The following PDZRN4 variants were observed in gnomAD, a reference collection of about 807,000 sequenced individuals.
The protein encoded by PDZRN4 is PDZ domain-containing RING finger protein 4.
In PDZRN4, 70 loss-of-function variants were observed where a neutral mutation model predicts 99.0. That is an observed-to-expected ratio of 0.71 (90% CI 0.58 to 0.86). PDZRN4 has a LOEUF of 0.86. PDZRN4 is among the 40% of genes least tolerant of loss of function. The pLI is 0.00. For synonymous variants in PDZRN4, 551 were observed against 501.6 expected, an observed-to-expected ratio of 1.10 and a Z score of -1.32; for missense variants, 1,474 against 1,331.2, an observed-to-expected ratio of 1.11 and a Z score of -1.67.
chr12:41,318,305 A>G (rs1295953478), intron 3 of PDZRN4, among the ~76,000 whole-genome samples: 1 of 152,184 alleles, frequency 6.6e-6, no homozygotes, highest in Non-Finnish European at 1.5e-5. Flanking sequence ...CCTTCTCACT[A>G]TGACTACTCA....
chr12:41,347,626 C>T (rs1951864290), intron 3 of PDZRN4, among the ~76,000 whole-genome samples: 1 of 151,234 alleles, frequency 6.6e-6, no homozygotes, highest in Admixed American at 6.6e-5. Context: ...ATATTTTTAG[C>T]TGCATAAATT....
intron 3 of PDZRN4, chr12:41,478,052 C>A: frequency 1.6e-6 from 1 of 626,684 alleles, no homozygotes; most frequent in Admixed American, 2.8e-5. Context: ...CTGTGTCCCC[C>A]AATAATATAT....
intron 3 of PDZRN4, among the ~76,000 whole-genome samples, chr12:41,483,696 G>T (rs1278561513): frequency 2.0e-5 from 3 of 152,074 alleles, no homozygotes; most frequent in Non-Finnish European, 4.4e-5. Context: ...ACAATTAATG[G>T]TTCTTGTCAG....
chr12:41,270,706 C>T (rs1357948349), intron 3 of PDZRN4, among the ~76,000 whole-genome samples: 1 of 152,044 alleles, frequency 6.6e-6, no homozygotes, highest in Non-Finnish European at 1.5e-5. Flanking sequence ...TATATCCTAA[C>T]AGGATAGAGA....
intron 3 of PDZRN4, among the ~76,000 whole-genome samples, chr12:41,337,759 G>A (rs1371674938): frequency 2.0e-5 from 3 of 152,104 alleles, no homozygotes; most frequent in Non-Finnish European, 4.4e-5. Context: ...CTGCAAAGAT[G>A]AGGATGAAGT....
intron 3 of PDZRN4, among the ~76,000 whole-genome samples, chr12:41,299,198 A>G (rs1951515848): frequency 6.6e-6 from 1 of 152,158 alleles, no homozygotes; most frequent in South Asian, 2.1e-4. Flanking sequence ...AGCTGCTTTA[A>G]GCCCTAAAAA....
At chr12:41,256,516 G>A (rs1422193183) in intron 3 of PDZRN4, among the ~76,000 whole-genome samples, 1 of 152,166 alleles carries the variant, frequency 6.6e-6, no homozygotes, top group African/African-American at 2.4e-5. Context: ...CTATACACAA[G>A]CCAACATTTA....
chr12:41,324,668 T>A (rs1048748192), intron 3 of PDZRN4, among the ~76,000 whole-genome samples: 2 of 152,102 alleles, frequency 1.3e-5, no homozygotes, highest in Non-Finnish European at 1.5e-5. Flanking sequence ...GCAAAACTAA[T>A]TGTGGTATTT....
At chr12:41,429,784 G>C (rs893618889) in intron 3 of PDZRN4, among the ~76,000 whole-genome samples, 2 of 132,008 alleles carry the variant, frequency 1.5e-5, no homozygotes, top group East Asian at 5.1e-4. Flanking sequence ...GTACTAAATA[G>C]GTGTTAGCTC....
intron 3 of PDZRN4, among the ~76,000 whole-genome samples, chr12:41,424,647 T>A (rs1952520136): frequency 9.3e-6 from 1 of 107,542 alleles, no homozygotes; most frequent in South Asian, 2.9e-4. Context: ...TAAGCTATGC[T>A]GGGGCAACAG....
rs1297164363 is a variant in PDZRN4 at position 41,460,059 on chromosome 12, T to C, written c.844-46397T>C. 3 of 1,284,862 alleles carry C rather than the reference T, an allele frequency of 2.3e-6. No homozygotes were observed. The South Asian group carries it at 3.8e-5, about 16-fold the overall frequency. 79.6% of individuals were successfully genotyped at this position (1,284,862 alleles called of 1,614,324 possible). On this transcript the variant is annotated intron_variant, in intron 3 of 9. Coordinates refer to ENST00000402685, the MANE Select transcript of PDZRN4 (RefSeq NM_001164595.2). Reference sequence around the variant, plus strand: ...CTTAGTTCTGCTTCATTAAGCTCCTTGTGAATGAGTGGTAAATTTTCCCTA... The same window carrying C: ...CTTAGTTCTGCTTCATTAAGCTCCTCGTGAATGAGTGGTAAATTTTCCCTA...
chr12:41,233,368 G>A (rs778963241), intron 3 of PDZRN4, among the ~76,000 whole-genome samples: 13 of 152,032 alleles, frequency 8.6e-5, no homozygotes, highest in East Asian at 3.9e-4. Context: ...ACCATTGTTG[G>A]AGTCAGTGTG....
chr12:41,431,250 TGCC>T, intron 3 of PDZRN4, among the ~76,000 whole-genome samples: 1 of 152,342 alleles, frequency 6.6e-6, no homozygotes, highest in South Asian at 2.1e-4. Flanking sequence ...ACGTACTCTG[TGCC>T]AGGTATACTT....
chr12:41,202,074 A>C (rs1049188736), intron 3 of PDZRN4, among the ~76,000 whole-genome samples: 4 of 152,134 alleles, frequency 2.6e-5, no homozygotes, highest in Admixed American at 2.6e-4. Flanking sequence ...CAAAAACATG[A>C]TTGATTGCAG....
chr12:41,451,345 T>C (rs1205193130), intron 3 of PDZRN4, among the ~76,000 whole-genome samples: 1 of 152,176 alleles, frequency 6.6e-6, no homozygotes, highest in Non-Finnish European at 1.5e-5. Flanking sequence ...ATACACATAG[T>C]TGGTTATTAA....
chr12:41,259,478 A>G (rs1245789197), intron 3 of PDZRN4, among the ~76,000 whole-genome samples: 4 of 152,146 alleles, frequency 2.6e-5, no homozygotes, highest in Non-Finnish European at 5.9e-5. Context: ...TAGCATGTCA[A>G]GAAACACTGG....
chr12:41,296,382 G>A (rs1180461846), intron 3 of PDZRN4, among the ~76,000 whole-genome samples: 1 of 152,150 alleles, frequency 6.6e-6, no homozygotes, highest in Non-Finnish European at 1.5e-5. Context: ...CATTTTTGGG[G>A]GCTGCTCAAG....
intron 3 of PDZRN4, among the ~76,000 whole-genome samples, chr12:41,248,410 C>A (rs1256028437): frequency 5.9e-5 from 9 of 152,132 alleles, no homozygotes; most frequent in Admixed American, 5.9e-4. Context: ...CAGAGACTTA[C>A]TGCAAATGAC....
chr12:41,188,909 G>T lies in PDZRN4; in HGVS notation c.454G>T (p.Gly152Cys). The T allele has an allele frequency of 8.9e-7, 1 of 1,124,162 alleles. No individual in the cohort carries two copies. Among genetic ancestry groups the T allele is most frequent in the South Asian group, 4.3e-5 (1 of 23,486 alleles). 69.6% of individuals were successfully genotyped at this position (1,124,162 alleles called of 1,614,324 possible). Residue 152 changes from glycine (G) to cysteine (C), a missense_variant, in exon 1 of 10, where the codon GGC becomes TGC. Physicochemically the swap from Gly to Cys is radical, Grantham distance 159. Transcript: ENST00000402685. ...GGGARGGPPGGRWGRGRGPGP... is the reference protein window; with the variant it reads ...GGGARGGPPGCRWGRGRGPGP... Reference sequence around the variant, plus strand: ...GGGCGCGCGCGGGGGGCCGCCGGGCGGCCGCTGGGGCCGCGGGCGGGGACC... The same window carrying T: ...GGGCGCGCGCGGGGGGCCGCCGGGCTGCCGCTGGGGCCGCGGGCGGGGACC...
Sources: gnomAD v4.1 joint callset for allele counts (sites outside exome capture counted in the v4.1 genomes callset) on GRCh38, gnomAD v4.1.1 for gene constraint, MANE v1.5 for transcripts, NCBI Gene and HGNC (gene_info 2026-07-23, HGNC 2026-07-21) for gene names.